Variants in KCND2 observed in about 807,000 individuals in gnomAD.
The protein encoded by KCND2 is potassium voltage-gated channel subfamily D member 2.
A neutral mutation model predicts 54.4 loss-of-function variants in KCND2; 16 were observed. The observed-to-expected ratio is 0.29, with a 90% CI of 0.20 to 0.45. The LOEUF is 0.45. Among genes scored for constraint, KCND2 ranks in the 20% least tolerant of loss-of-function variants. The pLI is 1.00. For synonymous variants in KCND2, 317 were observed against 310.7 expected (o/e 1.02, Z -0.21); for missense variants, 486 against 824.2 (o/e 0.59, Z 5.02).
At chr7:120,577,221 C>T (rs1411403279) in intron 1 of KCND2, among the ~76,000 whole-genome samples, 1 of 151,608 alleles carries the variant, frequency 6.6e-6, no homozygotes, top group Non-Finnish European at 1.5e-5. Flanking sequence ...AATGAAAAAT[C>T]TGAGAAGAAA....
intron 1 of KCND2, among the ~76,000 whole-genome samples, chr7:120,463,511 T>C (rs1802316606): frequency 6.6e-6 from 1 of 152,092 alleles, no homozygotes; most frequent in African/African-American, 2.4e-5. Context: ...TTTCACGTTT[T>C]GATGTCACTT....
intron 1 of KCND2, among the ~76,000 whole-genome samples, chr7:120,366,877 T>G (rs1800692475): frequency 6.6e-6 from 1 of 152,114 alleles, no homozygotes; most frequent in South Asian, 2.1e-4. Flanking sequence ...TCTGTTAAAT[T>G]GTTAAGTGGG....
intron 1 of KCND2, among the ~76,000 whole-genome samples, chr7:120,586,652 A>G (rs1481269575): frequency 6.6e-6 from 1 of 152,186 alleles, no homozygotes; most frequent in Non-Finnish European, 1.5e-5. Flanking sequence ...AGTGATTTGC[A>G]GCATTTTATT....
At chr7:120,577,529 C>T (rs538473657) in intron 1 of KCND2, among the ~76,000 whole-genome samples, 2 of 150,148 alleles carry the variant, frequency 1.3e-5, no homozygotes, top group South Asian at 4.2e-4. Flanking sequence ...AACTCTGCCT[C>T]CCTGGACTCA....
intron 1 of KCND2, among the ~76,000 whole-genome samples, chr7:120,551,233 T>A (rs1370472739): frequency 6.6e-6 from 1 of 152,224 alleles, no homozygotes; most frequent in Non-Finnish European, 1.5e-5. Context: ...CATATAAAAA[T>A]TCTCTACTTA....
At chr7:120,596,481 G>T (rs1469436580) in intron 1 of KCND2, among the ~76,000 whole-genome samples, 1 of 152,154 alleles carries the variant, frequency 6.6e-6, no homozygotes, top group Non-Finnish European at 1.5e-5. Context: ...TGTAGAGCTT[G>T]TTATGCCAGT....
chr7:120,491,234 A>G (rs1481438007), intron 1 of KCND2, among the ~76,000 whole-genome samples: 2 of 152,176 alleles, frequency 1.3e-5, no homozygotes, highest in African/African-American at 4.8e-5. Context: ...TACCATGAGG[A>G]GCAAGAAAAC....
intron 1 of KCND2, among the ~76,000 whole-genome samples, chr7:120,380,212 C>T (rs533102843): frequency 1.3e-5 from 2 of 152,040 alleles, no homozygotes; most frequent in African/African-American, 4.8e-5. Context: ...TATTATAAAA[C>T]CTTGCCAGAA....
At chr7:120,658,678 T>A (rs183775972) in intron 1 of KCND2, among the ~76,000 whole-genome samples, 122 of 152,290 alleles carry the variant, frequency 8.0e-4, no homozygotes, top group Admixed American at 7.0e-3. Context: ...AGTTATTTAC[T>A]TCCAAACAGC....
chr7:120,506,669 A>G (rs934247362), intron 1 of KCND2, among the ~76,000 whole-genome samples: 1 of 151,930 alleles, frequency 6.6e-6, no homozygotes, highest in African/African-American at 2.4e-5. Context: ...AAATGGTTGT[A>G]GTAAAGAAAG....
chr7:120,306,207 C>T (rs1799650044), intron 1 of KCND2, among the ~76,000 whole-genome samples: 1 of 152,040 alleles, frequency 6.6e-6, no homozygotes, highest in Admixed American at 6.6e-5. Flanking sequence ...AATCCCACCT[C>T]CTCCGTAAAA....
At chr7:120,525,714 C>T (rs1342223472) in intron 1 of KCND2, among the ~76,000 whole-genome samples, 2 of 152,064 alleles carry the variant, frequency 1.3e-5, no homozygotes, top group Non-Finnish European at 2.9e-5. Context: ...ATGTGCCTAG[C>T]GTAAAGCCAT....
intron 1 of KCND2, among the ~76,000 whole-genome samples, chr7:120,713,776 A>G (rs78377964): frequency 0.011 from 1,635 of 152,192 alleles, 22 homozygotes; most frequent in African/African-American, 0.031. Flanking sequence ...TGTCATTGAG[A>G]GGATTTGCTG....
chr7:120,425,863 G>C (rs1190291101), intron 1 of KCND2, among the ~76,000 whole-genome samples: 1 of 151,768 alleles, frequency 6.6e-6, no homozygotes, highest in African/African-American at 2.4e-5. Context: ...TTTTGTTGTT[G>C]TTGTTTTAAT....
chr7:120,672,422 T>C (rs1434461385), intron 1 of KCND2, among the ~76,000 whole-genome samples: 1 of 152,140 alleles, frequency 6.6e-6, no homozygotes, highest in Non-Finnish European at 1.5e-5. Flanking sequence ...TAATGAAAGC[T>C]ACTGACCCCT....
chr7:120,567,177 A>G (rs1792309396), intron 1 of KCND2, among the ~76,000 whole-genome samples: 1 of 152,160 alleles, frequency 6.6e-6, no homozygotes, highest in Non-Finnish European at 1.5e-5. Flanking sequence ...TTTCCCTTCA[A>G]CAATTGAAAT....
At chr7:120,611,994 C>A (rs1441804985) in intron 1 of KCND2, among the ~76,000 whole-genome samples, 1 of 152,186 alleles carries the variant, frequency 6.6e-6, no homozygotes, top group Non-Finnish European at 1.5e-5. Flanking sequence ...TCTGGGTTCT[C>A]CAAACTCTGA....
chr7:120,324,540 C>A (rs1210085745), intron 1 of KCND2, among the ~76,000 whole-genome samples: 2 of 149,956 alleles, frequency 1.3e-5, no homozygotes, highest in Non-Finnish European at 3.0e-5. Context: ...TTCCCAGCAC[C>A]ATTTATTAAA....
At chr7:120,375,270 T>C (rs1338753204) in intron 1 of KCND2, among the ~76,000 whole-genome samples, 2 of 151,792 alleles carry the variant, frequency 1.3e-5, no homozygotes, top group Non-Finnish European at 2.9e-5. Context: ...AGCTACCTTT[T>C]CCCCCACAAA....
Sources: allele counts gnomAD v4.1 joint callset (sites outside exome capture counted in the v4.1 genomes callset), GRCh38; gene constraint gnomAD v4.1.1; transcripts MANE v1.5; gene names NCBI Gene and HGNC (gene_info 2026-07-23, HGNC 2026-07-21).